TEAD1: variants seen among roughly 807,000 people sequenced by gnomAD.
TEAD1 encodes the protein TEA domain transcription factor 1.
In TEAD1, 9 loss-of-function variants were observed where a neutral mutation model predicts 54.9. That is an observed-to-expected ratio of 0.16 (90% confidence interval 0.10 to 0.29). The LOEUF is 0.29. Ranked by LOEUF, TEAD1 falls within the 10% of genes least tolerant of loss-of-function variation. The probability of loss-of-function intolerance (pLI) is 1.00; values close to 1 mark genes in which losing one functional copy is unlikely to be tolerated. For synonymous variants in TEAD1, 200 were observed against 187.8 expected (o/e 1.07, Z -0.53); for missense variants, 387 against 535.9 (o/e 0.72, Z 2.74).
intron 3 of TEAD1, among the ~76,000 whole-genome samples, chr11:12,788,678 T>C (rs1054113554): frequency 6.6e-6 from 1 of 152,198 alleles, no homozygotes; most frequent in African/African-American, 2.4e-5. Flanking sequence ...AAAGCAGACT[T>C]TTTAAAGGGA....
intron 5 of TEAD1, 191 bp from the exon 6 acceptor site, chr11:12,879,517 A>G (rs777389209): frequency 1.2e-5 from 9 of 723,130 alleles, no homozygotes; most frequent in Non-Finnish European, 2.0e-5. Flanking sequence ...TCTTCCCAGT[A>G]AATGTTGAGA....
At position 12,743,191 on chromosome 11, in the gene TEAD1, A is replaced by C. The variant is rs758576076; in HGVS notation, c.-54-20988A>C. On this transcript the variant is annotated intron_variant, in intron 2 of 12. Coordinates refer to ENST00000527636, the MANE Select transcript of TEAD1 (RefSeq NM_021961.6). ...AGTTATCTGTTCCCCTCCGCAGAAA[A>C]GGGCTTAGTTTAGCAAAGAGAGGTA... 5.7e-4 allele frequency among the ~76,000 whole-genome samples: 87 copies of C among 152,222 alleles called. 1 individual carries two copies. Among genetic ancestry groups the C allele is most frequent in the Non-Finnish European group, 1.6e-4 (11 of 68,042 alleles).
chr11:12,857,658 A>G (rs1426551608), intron 3 of TEAD1, among the ~76,000 whole-genome samples: 1 of 150,214 alleles, frequency 6.7e-6, no homozygotes, highest in African/African-American at 2.5e-5. Context: ...TAGCTTGGAG[A>G]CCCACTTTCA....
intron 3 of TEAD1, among the ~76,000 whole-genome samples, chr11:12,818,839 T>C (rs1946470506): frequency 6.6e-6 from 1 of 152,254 alleles, no homozygotes; most frequent in Admixed American, 6.5e-5. Flanking sequence ...AGAAAATCTA[T>C]GTGAGTCAGC....
chr11:12,875,125 A>G (rs1311066937), intron 5 of TEAD1, among the ~76,000 whole-genome samples: 1 of 152,230 alleles, frequency 6.6e-6, no homozygotes. Context: ...AATCTCATCC[A>G]CATCTCAGAA....
intron 2 of TEAD1, among the ~76,000 whole-genome samples, chr11:12,750,471 C>T (rs748521807): frequency 1.3e-5 from 2 of 152,154 alleles, no homozygotes; most frequent in African/African-American, 2.4e-5. Context: ...TTGGACCATA[C>T]TGAAAATACT....
chr11:12,680,161 G>C (rs1321114706), intron 2 of TEAD1, among the ~76,000 whole-genome samples: 1 of 152,170 alleles, frequency 6.6e-6, no homozygotes, highest in Non-Finnish European at 1.5e-5. Context: ...TCTGTGACTT[G>C]ATGGCATTTT....
rs1945160837 is a variant in TEAD1, at chr11:12,764,450, C to A, written c.202+16C>A. 1 of 1,613,836 alleles carries A rather than the reference C, an allele frequency of 6.2e-7. No individual in the cohort carries two copies. ...AAAATGTATGGTAAGTGGCCTGGAACACTCCTTTGAAATACTACAACCTGC... is the reference window on the plus strand; with the variant it reads ...AAAATGTATGGTAAGTGGCCTGGAAAACTCCTTTGAAATACTACAACCTGC... On this transcript the variant is annotated intron_variant, in intron 3 of 12. Transcript: ENST00000527636.
chr11:12,734,375 A>C (rs1944484077), intron 2 of TEAD1, among the ~76,000 whole-genome samples: 1 of 152,248 alleles, frequency 6.6e-6, no homozygotes, highest in Non-Finnish European at 1.5e-5. Context: ...AAATTAAAAA[A>C]TGTGTAAAGT....
intron 3 of TEAD1, among the ~76,000 whole-genome samples, chr11:12,765,607 C>T (rs1309452797): frequency 6.6e-6 from 1 of 152,170 alleles, no homozygotes; most frequent in Non-Finnish European, 1.5e-5. Context: ...GATGGTGGTG[C>T]AGCTGCCACC....
At chr11:12,735,414 A>G (rs1294437139) in intron 2 of TEAD1, among the ~76,000 whole-genome samples, 1 of 152,152 alleles carries the variant, frequency 6.6e-6, no homozygotes, top group Non-Finnish European at 1.5e-5. Context: ...GTTCTTTGTC[A>G]TCCCTGGTCC....
intron 3 of TEAD1, among the ~76,000 whole-genome samples, chr11:12,815,407 A>C (rs1292565575): frequency 1.3e-5 from 2 of 152,006 alleles, no homozygotes; most frequent in Non-Finnish European, 2.9e-5. Context: ...TTCGTACTTG[A>C]TTGTGGGTTA....
intron 2 of TEAD1, among the ~76,000 whole-genome samples, chr11:12,751,316 A>G (rs1035824677): frequency 6.6e-6 from 1 of 152,082 alleles, no homozygotes; most frequent in Non-Finnish European, 1.5e-5. Context: ...AAAAATTACT[A>G]AAGGCATGGG....
intron 2 of TEAD1, among the ~76,000 whole-genome samples, chr11:12,751,400 A>G (rs1022225577): frequency 2.0e-5 from 3 of 152,114 alleles, no homozygotes; most frequent in South Asian, 2.1e-4. Context: ...GCGGTGAGTG[A>G]GTTCAGTTCA....
At chr11:12,750,064 G>A (rs1944835576) in intron 2 of TEAD1, among the ~76,000 whole-genome samples, 1 of 152,178 alleles carries the variant, frequency 6.6e-6, no homozygotes, top group Admixed American at 6.5e-5. Flanking sequence ...TGCTTGTGTT[G>A]GTGATCATTG....
intron 3 of TEAD1, among the ~76,000 whole-genome samples, chr11:12,765,061 C>T (rs1945178674): frequency 6.6e-6 from 1 of 152,012 alleles, no homozygotes; most frequent in Admixed American, 6.6e-5. Flanking sequence ...CATTAGCACC[C>T]TGGGTCACTG....
At chr11:12,897,847 G>T (rs1378630975) in intron 9 of TEAD1, among the ~76,000 whole-genome samples, 1 of 152,112 alleles carries the variant, frequency 6.6e-6, no homozygotes, top group Non-Finnish European at 1.5e-5. Context: ...AAAAACGTTG[G>T]TTTAACGGTG....
At chr11:12,835,150 A>G (rs756186644) in intron 3 of TEAD1, among the ~76,000 whole-genome samples, 46 of 152,132 alleles carry the variant, frequency 3.0e-4, no homozygotes, top group Non-Finnish European at 6.0e-4. Flanking sequence ...GAGTATGTGT[A>G]ATGGGGTCAA....
intron 2 of TEAD1, among the ~76,000 whole-genome samples, chr11:12,736,109 G>A (rs2133885889): frequency 6.6e-6 from 1 of 152,274 alleles, no homozygotes; most frequent in Admixed American, 6.5e-5. Context: ...TAATATGATT[G>A]TGACAATTGT....
Sources: allele counts gnomAD v4.1 joint callset (sites outside exome capture counted in the v4.1 genomes callset), GRCh38; gene constraint gnomAD v4.1.1; transcripts MANE v1.5; gene names NCBI Gene and HGNC (gene_info 2026-07-23, HGNC 2026-07-21).